Variants in GPR155 observed in about 807,000 individuals in gnomAD.
The protein encoded by GPR155 is G protein-coupled receptor 155.
GPR155 carries 65 observed loss-of-function variants against 93.1 expected under a neutral mutation model. That is an observed-to-expected ratio of 0.70 (90% CI 0.57 to 0.86). The LOEUF is 0.86. GPR155 is among the 40% of genes least tolerant of loss of function. The pLI is 0.00. For missense variants in GPR155, 838 were observed against 1,034.8 expected (o/e 0.81, Z 2.61); for synonymous variants, 319 against 360.1 (o/e 0.89, Z 1.29).
intron 2 of GPR155, 37 bp downstream of exon 2, chr2:174,481,460 A>T: frequency 1.6e-6 from 2 of 1,277,028 alleles, no homozygotes; most frequent in Non-Finnish European, 2.2e-6. Context: ...ATTAAAATTG[A>T]ATTTTTTAAA....
chr2:174,465,636 C>G (rs978393203), intron 7 of GPR155, 149 bp downstream of exon 7: 2 of 511,766 alleles, frequency 3.9e-6, no homozygotes, highest in Non-Finnish European at 7.2e-6. Context: ...TCAGCTTTGC[C>G]GATGGCCTCT....
chr2:174,484,291 A>T (rs1045006254), intron 1 of GPR155, among the ~76,000 whole-genome samples: 1 of 152,228 alleles, frequency 6.6e-6, no homozygotes, highest in African/African-American at 2.4e-5. Context: ...CACATACTTG[A>T]AGTAAGGAGC....
At chr2:174,471,468 TAAA>T (rs10581991) in intron 3 of GPR155, among the ~76,000 whole-genome samples, 2,376 of 130,218 alleles carry the variant, frequency 0.018, 40 homozygotes, top group African/African-American at 0.049. Flanking sequence ...TTCATCTTTG[TAAA>T]AAAAAAAAAA....
At chr2:174,450,108 T>C (rs1456840582) in intron 11 of GPR155, among the ~76,000 whole-genome samples, 1 of 149,498 alleles carries the variant, frequency 6.7e-6, no homozygotes. Context: ...CACTCCAGCC[T>C]GGGTGGCAGA....
At position 174,467,783 on chromosome 2, in the gene GPR155, T is replaced by A. The variant is rs115581606; in HGVS notation, c.1182+1129A>T. Among the ~76,000 whole-genome samples the A allele has an allele frequency of 5.9e-3, 905 of 152,326 alleles. 6 individuals carry two copies. The highest frequency in any genetic ancestry group is 0.02 in the African/African-American group (848 of 41,556). On this transcript the variant is annotated intron_variant, in intron 5 of 15. Coordinates refer to ENST00000392552, the MANE Select transcript of GPR155 (RefSeq NM_152529.7). Reference sequence around the variant, plus strand: ...GTGTGTGTGTGAGACAGAGTCTCACTGAAGTGCAGTGGTGCGATCTCGGCT... The same window carrying A: ...GTGTGTGTGTGAGACAGAGTCTCACAGAAGTGCAGTGGTGCGATCTCGGCT...
rs900762756 is a variant in GPR155, at chr2:174,466,778, A to G, written c.1183-151T>C. On this transcript the variant is annotated intron_variant, in intron 5 of 15. Coordinates refer to ENST00000392552, the MANE Select transcript of GPR155 (RefSeq NM_152529.7). ...TTTATTTAATCTGTCTAGTTCCAAA[A>G]AGGTAAATTATTATAACCAATGTAA... 5.5e-6 allele frequency: 3 copies of G among 545,932 alleles called. No individual in the cohort carries two copies. In the African/African-American group the frequency reaches 5.8e-5, roughly 11 times the overall value. 33.8% of individuals were successfully genotyped at this position (545,932 alleles called of 1,614,324 possible).
At chr2:174,461,913 G>A (rs1417815363) in intron 7 of GPR155, among the ~76,000 whole-genome samples, 1 of 151,906 alleles carries the variant, frequency 6.6e-6, no homozygotes, top group Non-Finnish European at 1.5e-5. Flanking sequence ...TATCTGTGAG[G>A]ATTTATTTTA....
intron 13 of GPR155, 133 bp from the exon 14 acceptor site, chr2:174,442,316 A>G: frequency 1.7e-6 from 1 of 595,186 alleles, no homozygotes; most frequent in Non-Finnish European, 3.1e-6. Flanking sequence ...TTTAAGTGGA[A>G]CACACAAAGT....
intron 11 of GPR155, among the ~76,000 whole-genome samples, chr2:174,448,343 C>G (rs1050132158): frequency 1.3e-5 from 2 of 152,048 alleles, no homozygotes; most frequent in African/African-American, 4.8e-5. Flanking sequence ...CCATGGCACT[C>G]CAGCATGGGC....
chr2:174,464,770 C>T (rs1687793059), intron 7 of GPR155, among the ~76,000 whole-genome samples: 1 of 152,026 alleles, frequency 6.6e-6, no homozygotes. Flanking sequence ...AAAACTCATG[C>T]TATGCAAGAT....
At chr2:174,482,652 G>A (rs947937807) in intron 1 of GPR155, among the ~76,000 whole-genome samples, 2 of 152,122 alleles carry the variant, frequency 1.3e-5, no homozygotes, top group Non-Finnish European at 2.9e-5. Flanking sequence ...GGGTTCAAGC[G>A]ATTCGTGTGC....
rs1426232710 is a variant in GPR155 at position 174,472,984 on chromosome 2, G to T, written c.841C>A (p.Leu281Ile). The T allele has an allele frequency of 1.3e-6, 2 of 1,588,630 alleles. No homozygotes were observed. Among genetic ancestry groups the T allele is most frequent in the Admixed American group, 4.0e-5 (2 of 50,422 alleles). Reference sequence around the variant, plus strand: ...GCTTACAGTTTAGCTGTGATGAGAAGAATTAGTACTACAAATGCCGACTTC... The same window carrying T: ...GCTTACAGTTTAGCTGTGATGAGAATAATTAGTACTACAAATGCCGACTTC... ...LKKSAFVVLILLITAKLLVLP... is the reference protein window; with the variant it reads ...LKKSAFVVLIILITAKLLVLP... The change falls in exon 3 of 16, where the codon CTT becomes ATT. Residue 281 changes from leucine to isoleucine, a missense_variant. Transcript: ENST00000392552.
chr2:174,471,225 T>TAC (rs1429457429), intron 3 of GPR155, among the ~76,000 whole-genome samples: 1 of 151,770 alleles, frequency 6.6e-6, no homozygotes, highest in Non-Finnish European at 1.5e-5. Context: ...ACCCCATCTC[T>TAC]ACTAAAGATA....
rs1026814306 is a variant in GPR155 at position 174,481,979 on chromosome 2, A to G, written c.-23T>C. The G allele has an allele frequency of 4.0e-6, 6 of 1,487,502 alleles. No homozygotes were observed. The Admixed American group carries it at 5.4e-5, about 13-fold the overall frequency. 92.1% of individuals were successfully genotyped at this position (1,487,502 alleles called of 1,614,324 possible). A position where few individuals can be genotyped will look rare whatever the true frequency, so the allele number is the denominator to read the frequency against. ...CATTTTCTCTCACCCTCCAACTCCAACCAGATCTCTGGAAAGAAAGGAAGA... is the reference window on the plus strand; with the variant it reads ...CATTTTCTCTCACCCTCCAACTCCAGCCAGATCTCTGGAAAGAAAGGAAGA... On this transcript the variant is annotated 5_prime_UTR_variant, in exon 2 of 16. Coordinates refer to ENST00000392552, the MANE Select transcript of GPR155 (RefSeq NM_152529.7).
chr2:174,443,299 A>G (rs10930671), intron 13 of GPR155, among the ~76,000 whole-genome samples: 38,323 of 152,156 alleles, frequency 0.25, 5,792 homozygotes, highest in Middle Eastern at 0.47. Flanking sequence ...GAAAAACAGC[A>G]ACATCTATTG....
intron 2 of GPR155, among the ~76,000 whole-genome samples, chr2:174,477,016 T>C (rs908923451): frequency 2.0e-5 from 3 of 152,170 alleles, no homozygotes; most frequent in Admixed American, 6.5e-5. Flanking sequence ...CTTGAGAAAA[T>C]CTGAAAATAC....
chr2:174,453,793 A>G lies in GPR155; in HGVS notation c.1820T>C (p.Ile607Thr). The G allele has an allele frequency of 6.2e-7, 1 of 1,613,746 alleles. No homozygotes were observed. The highest frequency in any genetic ancestry group is 8.5e-7 in the Non-Finnish European group (1 of 1,179,836). Residue 607 changes from isoleucine (I) to threonine (T), a missense_variant, in exon 11 of 16, where the codon ATA (isoleucine) becomes ACA (threonine). This residue lies in a region of GPR155 where 663 missense variants were observed against 790.1 expected (regional missense o/e 0.84). Transcript: ENST00000392552. ...MGNGELHCPS[I>T]EPIANTSTSE... ...GGTGCTTGTGTTTGCTATTGGCTCT[A>G]TTGATGGGCAGTGTAATTCACCATT...
rs775554180 is a variant in GPR155 at position 174,445,099 on chromosome 2, G to A, written c.2091C>T (p.Ala697=). The stretch of plus-strand genomic sequence containing the variant: ...TAAATACCTGACCAAAGTTAAACAC[G>A]GCACAGAAAAACTGTAACTCAACAT... ...RLYVELQFFC[A]VFNFGQGFIS... is the part of the protein sequence containing the mutation. Residue 697 remains alanine (A), a synonymous_variant, in exon 13 of 16, where the codon GCC becomes GCT. Coordinates refer to ENST00000392552, the MANE Select transcript of GPR155 (RefSeq NM_152529.7). 2.6e-5 allele frequency: 41 copies of A among 1,588,230 alleles called. No homozygotes were observed. In the South Asian group the frequency reaches 3.0e-4, roughly 12 times the overall value.
At chr2:174,450,843 G>A (rs908501666) in intron 11 of GPR155, among the ~76,000 whole-genome samples, 1 of 152,102 alleles carries the variant, frequency 6.6e-6, no homozygotes, top group Admixed American at 6.6e-5. Flanking sequence ...CATTAAACAT[G>A]GTCTAGCACA....
Sources: allele counts gnomAD v4.1 joint callset (sites outside exome capture counted in the v4.1 genomes callset), GRCh38; gene constraint gnomAD v4.1.1; regional missense constraint gnomAD v4.1.1; transcripts MANE v1.5; gene names NCBI Gene and HGNC (gene_info 2026-07-23, HGNC 2026-07-21).